Variants in PLD1 observed in about 807,000 individuals in gnomAD.
PLD1 encodes the protein phospholipase D1.
Under a neutral mutation model 137.1 loss-of-function variants are expected in PLD1, and 112 were observed. The observed-to-expected ratio is 0.82, with a 90% CI of 0.70 to 0.96. The LOEUF is 0.96. Ranked by LOEUF, PLD1 falls within the 40% of genes least tolerant of loss-of-function variation. The pLI, the probability that PLD1 is intolerant of heterozygous loss-of-function variation, is 0.00. For missense variants in PLD1, 1,321 were observed against 1,342.0 expected, an observed-to-expected ratio of 0.98 and a Z score of 0.24; for synonymous variants, 431 against 454.7, an observed-to-expected ratio of 0.95 and a Z score of 0.66.
At chr3:171,800,084 C>T (rs1421212149) in intron 1 of PLD1, among the ~76,000 whole-genome samples, 1 of 152,176 alleles carries the variant, frequency 6.6e-6, no homozygotes, top group East Asian at 1.9e-4. Flanking sequence ...TTAATTATAA[C>T]AAATGTATCA....
intron 24 of PLD1, among the ~76,000 whole-genome samples, chr3:171,617,332 G>A (rs1214844310): frequency 6.6e-6 from 1 of 152,132 alleles, no homozygotes; most frequent in East Asian, 1.9e-4. Flanking sequence ...TCATGAGCTC[G>A]ACTTAGTTTC....
intron 1 of PLD1, among the ~76,000 whole-genome samples, chr3:171,795,113 C>A (rs1330382430): frequency 6.6e-6 from 1 of 152,194 alleles, no homozygotes; most frequent in African/African-American, 2.4e-5. Context: ...TTACGGACTA[C>A]TTCAAATCCT....
At chr3:171,734,832 G>A (rs745594789) in intron 5 of PLD1, 33 bp downstream of exon 5, 3 of 1,364,774 alleles carry the variant, frequency 2.2e-6, no homozygotes, top group Non-Finnish European at 1.0e-6. Flanking sequence ...TGCAAAATTA[G>A]GTTTAAAACC....
chr3:171,694,655 A>G (rs927404888), intron 12 of PLD1, among the ~76,000 whole-genome samples: 1 of 152,106 alleles, frequency 6.6e-6, no homozygotes, highest in Non-Finnish European at 1.5e-5. Context: ...ATTCTTCATC[A>G]TGACCCATTT....
chr3:171,801,264 C>G (rs1723634298), intron 1 of PLD1, among the ~76,000 whole-genome samples: 1 of 152,200 alleles, frequency 6.6e-6, no homozygotes, highest in Admixed American at 6.5e-5. Flanking sequence ...TGAAGAGGGG[C>G]TATTGCAAAT....
intron 1 of PLD1, among the ~76,000 whole-genome samples, chr3:171,771,976 G>A (rs567260922): frequency 5.3e-5 from 8 of 152,290 alleles, no homozygotes; most frequent in South Asian, 2.1e-4. Context: ...GCTAAGACAC[G>A]TCTTTTAACA....
chr3:171,717,878 C>G (rs1013391723), intron 8 of PLD1, among the ~76,000 whole-genome samples: 3 of 152,020 alleles, frequency 2.0e-5, no homozygotes, highest in Admixed American at 6.6e-5. Context: ...ATAGATGGCT[C>G]TTATTATTTT....
chr3:171,769,316 A>G (rs1034840665), intron 1 of PLD1, among the ~76,000 whole-genome samples: 1 of 152,236 alleles, frequency 6.6e-6, no homozygotes, highest in Non-Finnish European at 1.5e-5. Flanking sequence ...AAAGACCTTT[A>G]TCTGTACCCA....
At chr3:171,770,503 C>T (rs1041338326) in intron 1 of PLD1, among the ~76,000 whole-genome samples, 3 of 152,110 alleles carry the variant, frequency 2.0e-5, no homozygotes, top group African/African-American at 7.2e-5. Flanking sequence ...CACTACTTAA[C>T]GTTTCAAAAA....
At chr3:171,647,489 G>C (rs1217499766) in intron 21 of PLD1, among the ~76,000 whole-genome samples, 1 of 150,330 alleles carries the variant, frequency 6.7e-6, no homozygotes, top group Non-Finnish European at 1.5e-5. Flanking sequence ...CGCTCTTGTT[G>C]CCCAGGCTGG....
intron 23 of PLD1, among the ~76,000 whole-genome samples, chr3:171,633,128 T>C (rs1165862621): frequency 6.6e-6 from 1 of 152,190 alleles, no homozygotes; most frequent in African/African-American, 2.4e-5. Flanking sequence ...CCATTTATGA[T>C]GTGAATAAAT....
chr3:171,671,467 C>T (rs1439778281), intron 19 of PLD1, among the ~76,000 whole-genome samples: 1 of 152,140 alleles, frequency 6.6e-6, no homozygotes, highest in Non-Finnish European at 1.5e-5. Flanking sequence ...TCAAAAATAC[C>T]TCCTATTTGT....
intron 26 of PLD1, among the ~76,000 whole-genome samples, chr3:171,603,692 TA>T (rs931259409): frequency 6.6e-6 from 1 of 152,234 alleles, no homozygotes; most frequent in African/African-American, 2.4e-5. Context: ...TACATAGCAT[TA>T]TCAATTGTTA....
chr3:171,674,437 G>A (rs1037659466), intron 19 of PLD1, 63 bp downstream of exon 19: 2 of 819,898 alleles, frequency 2.4e-6, no homozygotes, highest in Non-Finnish European at 4.0e-6. Flanking sequence ...TAGGCCCTTG[G>A]TCCAATAACA....
intron 1 of PLD1, chr3:171,765,526 T>A (rs1721919977): frequency 6.6e-6 from 1 of 152,182 alleles, no homozygotes; most frequent in African/African-American, 2.4e-5. Flanking sequence ...ATTTCATTCA[T>A]CATTACTAAA....
intron 21 of PLD1, among the ~76,000 whole-genome samples, chr3:171,645,403 C>T (rs951713178): frequency 6.6e-6 from 1 of 152,102 alleles, no homozygotes; most frequent in Admixed American, 6.5e-5. Context: ...AACACAGTAC[C>T]TAGCTAGAGC....
At chr3:171,794,965 C>CAATTTATA (rs1404611449) in intron 1 of PLD1, among the ~76,000 whole-genome samples, 1 of 152,156 alleles carries the variant, frequency 6.6e-6, no homozygotes, top group Non-Finnish European at 1.5e-5. Context: ...TGTATCAGTA[C>CAATTTATA]AATTTATAAT....
At chr3:171,620,738 C>A (rs1165263468) in intron 23 of PLD1, among the ~76,000 whole-genome samples, 16 of 77,060 alleles carry the variant, frequency 2.1e-4, no homozygotes, top group Admixed American at 9.1e-4. Flanking sequence ...CTCTCTCTCT[C>A]TCTCTATATA....
At chr3:171,645,064 A>G (rs747895790) in intron 21 of PLD1, 41 bp from the exon 22 acceptor site, 2 of 1,301,776 alleles carry the variant, frequency 1.5e-6, no homozygotes, top group Admixed American at 1.7e-5. Context: ...CAAAAAATAA[A>G]AGGTAGTATC....
Sources: allele counts gnomAD v4.1 joint callset (sites outside exome capture counted in the v4.1 genomes callset), GRCh38; gene constraint gnomAD v4.1.1; transcripts MANE v1.5; gene names NCBI Gene and HGNC (gene_info 2026-07-23, HGNC 2026-07-21).